The following TCF21 variants were observed in gnomAD, a reference collection of about 807,000 sequenced individuals.
TCF21 encodes transcription factor 21, also known as capsulin.
A neutral mutation model predicts 13.5 loss-of-function variants in TCF21; 3 were observed. The observed-to-expected ratio is 0.22, with a 90% CI of 0.10 to 0.57. The LOEUF is 0.57. Ranked by LOEUF, TCF21 falls within the 20% of genes least tolerant of loss-of-function variation. TCF21 has a pLI of 0.92. For synonymous variants in TCF21, 92 were observed against 101.7 expected (o/e 0.90, Z 0.57); for missense variants, 181 against 238.4 (o/e 0.76, Z 1.59).
Position 133,889,285 on chromosome 6 carries a change from C to A in TCF21, c.-113C>A. The A allele has an allele frequency of 7.2e-7, 1 of 1,393,090 alleles. No homozygotes were observed. The highest frequency in any genetic ancestry group is 1.0e-6 in the Non-Finnish European group (1 of 994,522). 86.3% of individuals were successfully genotyped at this position (1,393,090 alleles called of 1,614,324 possible). A position where few individuals can be genotyped will look rare whatever the true frequency, so the allele number is the denominator to read the frequency against. On this transcript the variant is annotated 5_prime_UTR_variant, in exon 1 of 2. Coordinates refer to ENST00000367882, the MANE Select transcript of TCF21 (RefSeq NM_003206.4). The surrounding 1 kb of genome is among the most constrained non-coding windows in gnomAD (Gnocchi z 5.1). ...CTCCCAGCAGGAGGTGGCTGCGCCACACTCGGGAGGCCTCTTGGTTTCAGG... is the reference window on the plus strand; with the variant it reads ...CTCCCAGCAGGAGGTGGCTGCGCCAAACTCGGGAGGCCTCTTGGTTTCAGG...
At chr6:133,893,030 G>C (rs1327557941), downstream of TCF21, 1 of 152,250 alleles carries the variant, frequency 6.6e-6, no homozygotes. Flanking sequence ...AATGTTCGGG[G>C]TTATGACCGC....
chr6:133,891,193 A>G (rs951070482), intron 1 of TCF21, among the ~76,000 whole-genome samples: 1 of 152,242 alleles, frequency 6.6e-6, no homozygotes, highest in African/African-American at 2.4e-5. Flanking sequence ...TTGCGATGGA[A>G]GAAACGAAAG....
downstream of TCF21, chr6:133,894,673 G>T: frequency 6.5e-6 from 1 of 152,742 alleles, no homozygotes; most frequent in Non-Finnish European, 1.5e-5. Flanking sequence ...AAAACTCCCA[G>T]CCTACCCTGC....
chr6:133,891,862 G>A lies in TCF21; in HGVS notation c.*60G>A, dbSNP rs993716568. Reference sequence around the variant, plus strand: ...CGGGGGGAGCGGGCCCCGGGAAGGCGACCCCTGCCCTCAGTGCTCTCTGTC... The same window carrying A: ...CGGGGGGAGCGGGCCCCGGGAAGGCAACCCCTGCCCTCAGTGCTCTCTGTC... On this transcript the variant is annotated 3_prime_UTR_variant, in exon 2 of 2. Coordinates refer to ENST00000367882, the MANE Select transcript of TCF21 (RefSeq NM_003206.4). The A allele has an allele frequency of 6.4e-7, 1 of 1,573,374 alleles. No individual in the cohort carries two copies. The highest frequency in any genetic ancestry group is 8.7e-7 in the Non-Finnish European group (1 of 1,148,690).
rs967456656 is a variant in TCF21, at chr6:133,889,478, G to A, written c.81G>A (p.Ser27=). 6 of 1,613,978 alleles carry A rather than the reference G, an allele frequency of 3.7e-6. No individual in the cohort carries two copies. The Admixed American group carries it at 8.3e-5, about 22-fold the overall frequency. The part of the protein sequence containing the change: ...MLECDGLKMD[S]NKEFVTSNES... Reference sequence around the variant, plus strand: ...AATGTGACGGGTTGAAAATGGATTCGAACAAGGAATTTGTGACTTCCAACG... The same window carrying A: ...AATGTGACGGGTTGAAAATGGATTCAAACAAGGAATTTGTGACTTCCAACG... Residue 27 remains serine, a synonymous_variant, in exon 1 of 2, where the codon TCG becomes TCA. Transcript: ENST00000367882. This position sits in a 1 kb window ranked among gnomAD's most constrained non-coding sequence, Gnocchi z 5.1.
downstream of TCF21, chr6:133,895,172 T>C (rs944506220): frequency 2.0e-5 from 3 of 152,200 alleles, no homozygotes; most frequent in South Asian, 2.1e-4. Context: ...ATTTACTGAT[T>C]AGTGGAAAGC....
chr6:133,890,358 C>G (rs2077014860), intron 1 of TCF21, among the ~76,000 whole-genome samples: 3 of 152,174 alleles, frequency 2.0e-5, no homozygotes, highest in Admixed American at 2.0e-4. Context: ...TCTATGCCCC[C>G]CAAATTGTCC....
In TCF21 at chr6:133,891,829, CGCGCTCCCGGGGGGAGCGG is replaced by C. The variant is rs745671255; in HGVS notation, c.*30_*48del. The stretch of plus-strand genomic sequence containing the variant: ...CTTGGAGGTGCGAGTCTGGGAAAGG[CGCGCTCCCGGGGGGAGCGG>C]GCCCCGGGAAGGCGACCCCTGCCCT... On this transcript the variant is annotated 3_prime_UTR_variant, in exon 2 of 2. Coordinates refer to ENST00000367882, the MANE Select transcript of TCF21 (RefSeq NM_003206.4). 1 of 1,612,444 alleles carries C rather than the reference CGCGCTCCCGGGGGGAGCGG, an allele frequency of 6.2e-7. No homozygotes were observed. Among genetic ancestry groups the C allele is most frequent in the South Asian group, 1.1e-5 (1 of 90,996 alleles).
rs549822777 is a variant in TCF21, at chr6:133,890,285, A to T, written c.450+438A>T. Among the ~76,000 whole-genome samples the T allele has an allele frequency of 5.3e-5, 8 of 152,194 alleles. No individual in the cohort carries two copies. The East Asian group carries it at 1.5e-3, about 29-fold the overall frequency. On this transcript the variant is annotated intron_variant, in intron 1 of 1. Transcript: ENST00000367882. ...TGGAACTTGATTTTCCTTTCCTTGTAAATAAAAACACCCAACTCCGTTTCT... is the reference window on the plus strand; with the variant it reads ...TGGAACTTGATTTTCCTTTCCTTGTTAATAAAAACACCCAACTCCGTTTCT...
chr6:133,889,242 A>G lies in TCF21; in HGVS notation c.-156A>G. ...GAAGGGGAAAGGGTTGTGAGACCCA[A>G]CCAGACCCCAACTCCAGCTCCCAGC... is the stretch of plus-strand genomic sequence containing the variant. On this transcript the variant is annotated 5_prime_UTR_variant, in exon 1 of 2. Coordinates refer to ENST00000367882, the MANE Select transcript of TCF21 (RefSeq NM_003206.4). This position sits in a 1 kb window ranked among gnomAD's most constrained non-coding sequence, Gnocchi z 5.1. The G allele has an allele frequency of 1.1e-6, 1 of 951,430 alleles. No homozygotes were observed. Among genetic ancestry groups the G allele is most frequent in the Admixed American group, 1.9e-5 (1 of 52,580 alleles). The allele number at this position is 951,430 out of a possible 1,614,324, so 58.9% of individuals were successfully genotyped here. A position where few individuals can be genotyped will look rare whatever the true frequency, so the allele number is the denominator to read the frequency against.
intron 1 of TCF21, among the ~76,000 whole-genome samples, chr6:133,890,901 A>G (rs1273872791): frequency 6.6e-6 from 1 of 152,210 alleles, no homozygotes; most frequent in Admixed American, 6.5e-5. Flanking sequence ...TTTCTCTCCA[A>G]TTGAAAGTTT....
downstream of TCF21, chr6:133,893,723 T>C (rs1775257486): frequency 6.6e-6 from 1 of 152,232 alleles, no homozygotes; most frequent in Non-Finnish European, 1.5e-5. Context: ...GAAATAACTT[T>C]TTCTTGCTCA....
At chr6:133,894,700 G>T (rs1775274610), downstream of TCF21, 1 of 152,574 alleles carries the variant, frequency 6.6e-6, no homozygotes, top group Admixed American at 6.5e-5. Context: ...TTCAGCCCAG[G>T]TAGTTGGTGT....
At position 133,889,373 on chromosome 6, in the gene TCF21, C is replaced by CT. The variant is rs1173772130; in HGVS notation, c.-24dup. ...TCTGTCTCTCTGTCTCTCTCTCTCT[C>CT]TCTCCCTCGTCCACTCCCCCAAACA... On this transcript the variant is annotated 5_prime_UTR_variant, in exon 1 of 2. Coordinates refer to ENST00000367882, the MANE Select transcript of TCF21 (RefSeq NM_003206.4). The surrounding 1 kb of genome is among the most constrained non-coding windows in gnomAD (Gnocchi z 5.1). 3 of 1,612,384 alleles carry CT rather than the reference C, an allele frequency of 1.9e-6. No homozygotes were observed. The highest frequency in any genetic ancestry group is 2.5e-6 in the Non-Finnish European group (3 of 1,179,474).
At position 133,889,363 on chromosome 6, in the gene TCF21, C is replaced by G. The variant is rs1270134471; in HGVS notation, c.-35C>G. ...CCTCGCTTTCTCTGTCTCTCTGTCTCTCTCTCTCTCTCTCCCTCGTCCACT... is the reference window on the plus strand; with the variant it reads ...CCTCGCTTTCTCTGTCTCTCTGTCTGTCTCTCTCTCTCTCCCTCGTCCACT... On this transcript the variant is annotated 5_prime_UTR_variant, in exon 1 of 2. Transcript: ENST00000367882. This position sits in a 1 kb window ranked among gnomAD's most constrained non-coding sequence, Gnocchi z 5.1. 2 of 1,567,608 alleles carry G rather than the reference C, an allele frequency of 1.3e-6. No individual in the cohort carries two copies. Among genetic ancestry groups the G allele is most frequent in the Non-Finnish European group, 1.7e-6 (2 of 1,147,272 alleles).
Position 133,891,835 on chromosome 6 carries a change from C to T in TCF21, c.*33C>T, listed in dbSNP as rs756682579. The T allele has an allele frequency of 9.3e-6, 15 of 1,611,008 alleles. No individual in the cohort carries two copies. In the African/African-American group the frequency reaches 1.6e-4, roughly 17 times the overall value. On this transcript the variant is annotated 3_prime_UTR_variant, in exon 2 of 2. Transcript: ENST00000367882. Reference sequence around the variant, plus strand: ...GGTGCGAGTCTGGGAAAGGCGCGCTCCCGGGGGGAGCGGGCCCCGGGAAGG... The same window carrying T: ...GGTGCGAGTCTGGGAAAGGCGCGCTTCCGGGGGGAGCGGGCCCCGGGAAGG...
At chr6:133,890,792 G>C (rs1775202494) in intron 1 of TCF21, among the ~76,000 whole-genome samples, 2 of 152,206 alleles carry the variant, frequency 1.3e-5, no homozygotes, top group Admixed American at 1.3e-4. Flanking sequence ...GCTAGCACTA[G>C]AGCAGTAGTG....
Position 133,889,930 on chromosome 6 carries a change from GA to G in TCF21, c.450+84del, listed in dbSNP as rs1177196892. On this transcript the variant is annotated intron_variant, in intron 1 of 1. Coordinates refer to ENST00000367882, the MANE Select transcript of TCF21 (RefSeq NM_003206.4). The surrounding 1 kb of genome is among the most constrained non-coding windows in gnomAD (Gnocchi z 5.1). ...TGGGCGCGAGTGCGCGCGGGGCTGG[GA>G]GTGGGGGTGTGGGCGCGGCGGTGAC... The G allele has an allele frequency of 1.3e-6, 2 of 1,499,002 alleles. No individual in the cohort carries two copies. The highest frequency in any genetic ancestry group is 1.8e-6 in the Non-Finnish European group (2 of 1,081,140). 92.9% of individuals were successfully genotyped at this position (1,499,002 alleles called of 1,614,324 possible). A position where few individuals can be genotyped will look rare whatever the true frequency, so the allele number is the denominator to read the frequency against.
At position 133,889,377 on chromosome 6, in the gene TCF21, C is replaced by CT. The variant is rs1554298825; in HGVS notation, c.-21_-20insT. 1.2e-6 allele frequency: 2 copies of CT among 1,612,448 alleles called. No homozygotes were observed. Among genetic ancestry groups the CT allele is most frequent in the African/African-American group, 1.3e-5 (1 of 74,908 alleles). ...TCTCTCTGTCTCTCTCTCTCTCTCT[C>CT]CCTCGTCCACTCCCCCAAACATGTC... On this transcript the variant is annotated 5_prime_UTR_variant, in exon 1 of 2. Coordinates refer to ENST00000367882, the MANE Select transcript of TCF21 (RefSeq NM_003206.4). The surrounding 1 kb of genome is among the most constrained non-coding windows in gnomAD (Gnocchi z 5.1).
Sources: allele counts gnomAD v4.1 joint callset (sites outside exome capture counted in the v4.1 genomes callset), GRCh38; gene constraint gnomAD v4.1.1; non-coding constraint Gnocchi (gnomAD v3.1); transcripts MANE v1.5; gene names NCBI Gene and HGNC (gene_info 2026-07-23, HGNC 2026-07-21).